PXDNL: variants seen among roughly 807,000 people sequenced by gnomAD.
PXDNL encodes peroxidasin like, also known as probable oxidoreductase PXDNL.
A neutral mutation model predicts 150.8 loss-of-function variants in PXDNL; 145 were observed. That is an observed-to-expected ratio of 0.96 (90% confidence interval 0.84 to 1.10). PXDNL has a LOEUF of 1.10. Among genes scored for constraint, PXDNL ranks in the 50% least tolerant of loss-of-function variants. PXDNL has a pLI of 0.00. For missense variants in PXDNL, 2,087 were observed against 1,873.9 expected (o/e 1.11, Z -2.10); for synonymous variants, 757 against 725.7 (o/e 1.04, Z -0.69).
intron 1 of PXDNL, among the ~76,000 whole-genome samples, chr8:51,790,793 T>C (rs2037504789): frequency 6.7e-6 from 1 of 150,282 alleles, no homozygotes; most frequent in African/African-American, 2.4e-5. Flanking sequence ...TTTATATATA[T>C]ATATGTGTGT....
At chr8:51,322,055 G>A (rs1173533735) in intron 21 of PXDNL, among the ~76,000 whole-genome samples, 1 of 152,172 alleles carries the variant, frequency 6.6e-6, no homozygotes, top group Non-Finnish European at 1.5e-5. Flanking sequence ...TGCTCACACA[G>A]CGAAGGCCAT....
chr8:51,397,474 CTTGT>C lies in PXDNL; in HGVS notation c.3557+10589_3557+10592del, dbSNP rs369626740. ...TGAGATCCATCCATTAATCCTTCTGCTTGTTTAACAAATACTAAGAATCAGGCAT... is the reference window on the plus strand; with the variant it reads ...TGAGATCCATCCATTAATCCTTCTGCTTAACAAATACTAAGAATCAGGCAT... On this transcript the variant is annotated intron_variant, in intron 17 of 22. Coordinates refer to ENST00000356297, the MANE Select transcript of PXDNL (RefSeq NM_144651.5). 4.5e-3 allele frequency among the ~76,000 whole-genome samples: 685 copies of C among 152,182 alleles called. 4 individuals are homozygous for C. The highest frequency in any genetic ancestry group is 0.016 in the African/African-American group (671 of 41,528).
At chr8:51,362,014 G>A (rs1806767206) in intron 19 of PXDNL, among the ~76,000 whole-genome samples, 1 of 150,658 alleles carries the variant, frequency 6.6e-6, no homozygotes, top group Non-Finnish European at 1.5e-5. Context: ...GTCTTAACTA[G>A]GGATGCCTAT....
intron 2 of PXDNL, among the ~76,000 whole-genome samples, chr8:51,618,840 A>C (rs934950177): frequency 3.9e-5 from 6 of 152,190 alleles, no homozygotes; most frequent in Non-Finnish European, 2.9e-5. Flanking sequence ...CCCAGTCTGG[A>C]TCTTCATGAG....
At chr8:51,759,044 T>G (rs1258000522) in intron 1 of PXDNL, among the ~76,000 whole-genome samples, 1 of 152,194 alleles carries the variant, frequency 6.6e-6, no homozygotes, top group Non-Finnish European at 1.5e-5. Context: ...TGGAATAGAA[T>G]GGACCATGAG....
rs185820303 is a variant in PXDNL, at chr8:51,499,560, T to A, written c.452+139A>T. 181 of 599,936 alleles carry A rather than the reference T, an allele frequency of 3.0e-4. No homozygotes were observed. In the East Asian group the frequency reaches 4.5e-3, roughly 15 times the overall value. 37.2% of individuals were successfully genotyped at this position (599,936 alleles called of 1,614,324 possible). On this transcript the variant is annotated intron_variant, in intron 5 of 22. Coordinates refer to ENST00000356297, the MANE Select transcript of PXDNL (RefSeq NM_144651.5). ...AAAGTATAGAAAGCTTTATATTAAC[T>A]CTGTTTTGTAGTGCCAAGGTACAGG...
chr8:51,448,678 C>G (rs7826160), intron 11 of PXDNL, among the ~76,000 whole-genome samples: 2 of 150,260 alleles, frequency 1.3e-5, no homozygotes, highest in Non-Finnish European at 3.0e-5. Flanking sequence ...CCAGCCTGGG[C>G]GACAGAACAA....
At chr8:51,712,678 T>C (rs902969413) in intron 1 of PXDNL, among the ~76,000 whole-genome samples, 5 of 152,174 alleles carry the variant, frequency 3.3e-5, no homozygotes, top group African/African-American at 9.7e-5. Flanking sequence ...GCTTCTATAG[T>C]ATAAGAAAAA....
chr8:51,375,011 T>A (rs551476992), intron 17 of PXDNL, among the ~76,000 whole-genome samples: 2 of 152,204 alleles, frequency 1.3e-5, no homozygotes, highest in Admixed American at 1.3e-4. Context: ...TCTCTAAACA[T>A]ATGGAGTATA....
chr8:51,752,099 A>C (rs2037051172), intron 1 of PXDNL, among the ~76,000 whole-genome samples: 3 of 152,226 alleles, frequency 2.0e-5, no homozygotes, highest in Non-Finnish European at 4.4e-5. Flanking sequence ...GTATGCATTC[A>C]TCTAAACAAA....
At chr8:51,548,389 T>C (rs570571145) in intron 4 of PXDNL, among the ~76,000 whole-genome samples, 2 of 152,244 alleles carry the variant, frequency 1.3e-5, no homozygotes, top group African/African-American at 2.4e-5. Context: ...CACATAGTTA[T>C]CATGTTATCT....
At chr8:51,573,321 C>T (rs768377504) in intron 3 of PXDNL, among the ~76,000 whole-genome samples, 11 of 151,894 alleles carry the variant, frequency 7.2e-5, no homozygotes, top group African/African-American at 1.4e-4. Flanking sequence ...TAATGAAACC[C>T]GCTCTGGTAT....
chr8:51,804,096 T>C (rs1337056208), intron 1 of PXDNL, among the ~76,000 whole-genome samples: 1 of 152,188 alleles, frequency 6.6e-6, no homozygotes, highest in Admixed American at 6.5e-5. Context: ...TTTATACATT[T>C]TAGGGAGACA....
At chr8:51,738,784 G>C (rs1208811522) in intron 1 of PXDNL, among the ~76,000 whole-genome samples, 1 of 152,132 alleles carries the variant, frequency 6.6e-6, no homozygotes, top group Non-Finnish European at 1.5e-5. Flanking sequence ...GTCCCAGATG[G>C]TTTCACTGGA....
intron 6 of PXDNL, among the ~76,000 whole-genome samples, chr8:51,477,139 A>G (rs1043508652): frequency 6.6e-6 from 1 of 152,234 alleles, no homozygotes; most frequent in Non-Finnish European, 1.5e-5. Flanking sequence ...TAATAAATTA[A>G]GAAAGTTTTA....
intron 4 of PXDNL, among the ~76,000 whole-genome samples, chr8:51,542,640 C>T (rs1361324004): frequency 1.3e-5 from 2 of 151,854 alleles, no homozygotes; most frequent in Non-Finnish European, 2.9e-5. Context: ...GAAACTCTGT[C>T]TCTACTAAAA....
At chr8:51,588,755 G>A (rs1291788323) in intron 3 of PXDNL, among the ~76,000 whole-genome samples, 1 of 152,140 alleles carries the variant, frequency 6.6e-6, no homozygotes, top group East Asian at 1.9e-4. Flanking sequence ...ACATGCCCAT[G>A]AGTAGAGAAC....
intron 8 of PXDNL, among the ~76,000 whole-genome samples, chr8:51,458,359 A>G (rs950258710): frequency 6.6e-6 from 1 of 152,206 alleles, no homozygotes; most frequent in Admixed American, 6.5e-5. Context: ...TTTTAACAAT[A>G]AATGCAAAGC....
At chr8:51,801,628 A>G (rs13254066) in intron 1 of PXDNL, among the ~76,000 whole-genome samples, 104,126 of 151,662 alleles carry the variant, frequency 0.69, 42,177 homozygotes, top group Non-Finnish European at 0.9. Context: ...TAGGGAAAAT[A>G]GAAAGGACCT....
Sources: gnomAD v4.1 joint callset for allele counts (sites outside exome capture counted in the v4.1 genomes callset) on GRCh38, gnomAD v4.1.1 for gene constraint, MANE v1.5 for transcripts, NCBI Gene and HGNC (gene_info 2026-07-23, HGNC 2026-07-21) for gene names.